Variants in PCDHA7 observed in about 807,000 individuals in gnomAD.
PCDHA7 encodes the protein protocadherin alpha 7.
PCDHA7 carries 37 observed loss-of-function variants against 57.2 expected under a neutral mutation model. The observed-to-expected ratio is 0.65, with a 90% confidence interval of 0.50 to 0.85. PCDHA7 has a LOEUF of 0.85. Among genes scored for constraint, PCDHA7 ranks in the 40% least tolerant of loss-of-function variants. The pLI is 0.00. For missense variants in PCDHA7, 1,188 were observed against 1,241.8 expected, an observed-to-expected ratio of 0.96 and a Z score of 0.65; for synonymous variants, 553 against 558.8, an observed-to-expected ratio of 0.99 and a Z score of 0.15.
chr5:140,907,164 G>T (rs1554192895), intron 1 of PCDHA7, among the ~76,000 whole-genome samples: 2 of 152,098 alleles, frequency 1.3e-5, no homozygotes, highest in Non-Finnish European at 2.9e-5. Context: ...ACCATATATT[G>T]GATGCTGATT....
chr5:140,860,192 C>CATATATATATATAT (rs143984774), intron 1 of PCDHA7: 1 of 146,860 alleles, frequency 6.8e-6, no homozygotes, highest in African/African-American at 2.5e-5. Context: ...GCTCTCCTTA[C>CATATATATATATAT]ATATATATCT....
chr5:140,880,895 TAGAA>T (rs1421038707), intron 1 of PCDHA7, among the ~76,000 whole-genome samples: 2 of 152,090 alleles, frequency 1.3e-5, no homozygotes, highest in African/African-American at 4.8e-5. Context: ...TAGGGCCAGA[TAGAA>T]AGAATTAGAA....
At chr5:141,003,938 G>A (rs1195315346) in intron 3 of PCDHA7, among the ~76,000 whole-genome samples, 1 of 152,178 alleles carries the variant, frequency 6.6e-6, no homozygotes, top group Non-Finnish European at 1.5e-5. Flanking sequence ...GTCTTTGCCT[G>A]AGGGTGAGCT....
intron 1 of PCDHA7, among the ~76,000 whole-genome samples, chr5:140,960,167 CTTAAG>C (rs1291277794): frequency 1.3e-5 from 2 of 152,052 alleles, no homozygotes; most frequent in Non-Finnish European, 2.9e-5. Context: ...TAATACAATT[CTTAAG>C]TTAGGGGTTG....
rs1368587662 is a variant in PCDHA7 at position 140,863,465 on chromosome 5, T to C, written c.2355+26727T>C. 19 of 507,706 alleles carry C rather than the reference T, an allele frequency of 3.7e-5. No individual in the cohort carries two copies. The Admixed American group carries it at 3.9e-4, about 10-fold the overall frequency. 31.5% of individuals were successfully genotyped at this position (507,706 alleles called of 1,614,324 possible). Reference sequence around the variant, plus strand: ...ACTCGCAGCAAAGGAGATTTTACTCTGGAGAGTCGCCTCCCAAGGTCAACA... The same window carrying C: ...ACTCGCAGCAAAGGAGATTTTACTCCGGAGAGTCGCCTCCCAAGGTCAACA... On this transcript the variant is annotated intron_variant, in intron 1 of 3. Coordinates refer to ENST00000525929, the MANE Select transcript of PCDHA7 (RefSeq NM_018910.3).
intron 1 of PCDHA7, chr5:140,876,644 C>G: frequency 2.5e-6 from 4 of 1,614,200 alleles, no homozygotes; most frequent in Non-Finnish European, 3.4e-6. Context: ...TCACTGACAC[C>G]TCATGTTCCC....
At chr5:140,866,823 A>G (rs1375177663) in intron 1 of PCDHA7, 1 of 152,130 alleles carries the variant, frequency 6.6e-6, no homozygotes, top group Non-Finnish European at 1.5e-5. Context: ...TTAATCTTCA[A>G]TTGATTTTAC....
At chr5:140,937,162 C>A (rs2091378704) in intron 1 of PCDHA7, among the ~76,000 whole-genome samples, 1 of 151,684 alleles carries the variant, frequency 6.6e-6, no homozygotes, top group Non-Finnish European at 1.5e-5. Flanking sequence ...CTCAGCCTCC[C>A]GAGTAGCTGG....
intron 1 of PCDHA7, chr5:140,927,650 TC>T (rs2084465821): frequency 6.2e-7 from 1 of 1,614,080 alleles, no homozygotes; most frequent in Admixed American, 1.7e-5. Flanking sequence ...ACTGTGTTAT[TC>T]CGAGTTCAAG....
chr5:140,932,790 A>G (rs917083739), intron 1 of PCDHA7, among the ~76,000 whole-genome samples: 21 of 152,066 alleles, frequency 1.4e-4, no homozygotes, highest in African/African-American at 5.1e-4. Flanking sequence ...GACATAAGAG[A>G]AAAGCAATAC....
rs115221257 is a variant in PCDHA7 at position 140,951,407 on chromosome 5, A to G, written c.2356-27542A>G. On this transcript the variant is annotated intron_variant, in intron 1 of 3. Transcript: ENST00000525929. ...GGTAATTTATAAAGAAAAGAGGTTTAATTGGCTCACAGTTCCACAGGCTGT... is the reference window on the plus strand; with the variant it reads ...GGTAATTTATAAAGAAAAGAGGTTTGATTGGCTCACAGTTCCACAGGCTGT... Among the ~76,000 whole-genome samples the G allele has an allele frequency of 4.7e-3, 715 of 152,182 alleles. 3 individuals are homozygous for G. Among genetic ancestry groups the G allele is most frequent in the African/African-American group, 0.015 (625 of 41,530 alleles).
intron 1 of PCDHA7, among the ~76,000 whole-genome samples, chr5:140,917,131 G>C (rs572644426): frequency 6.6e-6 from 1 of 152,072 alleles, no homozygotes; most frequent in Non-Finnish European, 1.5e-5. Flanking sequence ...GACTCCCCAC[G>C]TTGCTCAGCT....
intron 1 of PCDHA7, among the ~76,000 whole-genome samples, chr5:140,903,665 G>A (rs2070490056): frequency 6.6e-6 from 1 of 152,156 alleles, no homozygotes; most frequent in African/African-American, 2.4e-5. Context: ...AAATTTAACT[G>A]ATATAAAAGA....
At chr5:140,926,549 C>A in intron 1 of PCDHA7, 1 of 231,836 alleles carries the variant, frequency 4.3e-6, no homozygotes, top group Non-Finnish European at 8.2e-6. Flanking sequence ...GTGGTCGAGA[C>A]CCCAGCCCGC....
At chr5:140,928,309 G>C in intron 1 of PCDHA7, 1 of 1,614,124 alleles carries the variant, frequency 6.2e-7, no homozygotes, top group Non-Finnish European at 8.5e-7. Flanking sequence ...CCAGGACCCC[G>C]ACCTGGGGAA....
At chr5:140,884,169 C>A in intron 1 of PCDHA7, 2 of 1,613,426 alleles carry the variant, frequency 1.2e-6, no homozygotes, top group South Asian at 1.1e-5. Flanking sequence ...ATCAGCACGA[C>A]GCGCCCTCTG....
chr5:140,958,084 T>C (rs2095408627), intron 1 of PCDHA7, among the ~76,000 whole-genome samples: 1 of 152,110 alleles, frequency 6.6e-6, no homozygotes, highest in African/African-American at 2.4e-5. Flanking sequence ...AAAAGTAAAG[T>C]TGTACAATAG....
chr5:140,848,734 A>G lies in PCDHA7; in HGVS notation c.2355+11996A>G, dbSNP rs199690069. The G allele has an allele frequency of 6.3e-7, 1 of 1,592,886 alleles. No homozygotes were observed. Among genetic ancestry groups the G allele is most frequent in the Non-Finnish European group, 8.6e-7 (1 of 1,163,642 alleles). The stretch of plus-strand genomic sequence containing the variant: ...GGGGACCTTCTGGAGGTAAATCTGC[A>G]GAATGGCATTTTGTTTGTGAATTCT... On this transcript the variant is annotated intron_variant, in intron 1 of 3. Transcript: ENST00000525929.
chr5:140,851,492 T>C, intron 1 of PCDHA7: 2 of 896,256 alleles, frequency 2.2e-6, no homozygotes, highest in Non-Finnish European at 2.7e-6. Context: ...ACAGCCTTCA[T>C]TTCAACTTAT....
Sources: gnomAD v4.1 joint callset for allele counts (sites outside exome capture counted in the v4.1 genomes callset) on GRCh38, gnomAD v4.1.1 for gene constraint, MANE v1.5 for transcripts, NCBI Gene and HGNC (gene_info 2026-07-23, HGNC 2026-07-21) for gene names.